Variants in KIF13A observed in about 807,000 individuals in gnomAD.
KIF13A encodes kinesin-like protein KIF13A.
A neutral mutation model predicts 212.2 loss-of-function variants in KIF13A; 79 were observed. That is an observed-to-expected ratio of 0.37 (90% CI 0.31 to 0.45). The LOEUF (loss-of-function observed/expected upper bound fraction) is 0.45, where lower values mean the gene tolerates loss of function less well. Ranked by LOEUF, KIF13A falls within the 20% of genes least tolerant of loss-of-function variation. The pLI, the probability that KIF13A is intolerant of heterozygous loss-of-function variation, is 1.00. For missense variants in KIF13A, 1,901 were observed against 2,209.0 expected (o/e 0.86, Z 2.79); for synonymous variants, 789 against 808.6 (o/e 0.98, Z 0.41).
At chr6:17,894,254 C>G (rs1772357441) in intron 3 of KIF13A, among the ~76,000 whole-genome samples, 1 of 152,028 alleles carries the variant, frequency 6.6e-6, no homozygotes, top group Admixed American at 6.6e-5. Context: ...ACCTCAGCCT[C>G]CTGAGTAGCT....
At position 17,892,158 on chromosome 6, in the gene KIF13A, T is replaced by G. The variant is rs1161281530; in HGVS notation, c.159+6010A>C. The stretch of plus-strand genomic sequence containing the variant: ...CTGAACCAAACTAGCTCTTCCTTCT[T>G]TAGTTTATGTTGATTTGATTTTTCA... On this transcript the variant is annotated intron_variant, in intron 3 of 38. Coordinates refer to ENST00000259711, the MANE Select transcript of KIF13A (RefSeq NM_022113.6). This position sits in a 1 kb window ranked among gnomAD's most constrained non-coding sequence, Gnocchi z 4.7. Among the ~76,000 whole-genome samples the G allele has an allele frequency of 6.6e-6, 1 of 152,220 alleles. No individual in the cohort carries two copies.
Position 17,850,499 on chromosome 6 carries a change from A to G in KIF13A, c.583-42T>C. On this transcript the variant is annotated intron_variant, in intron 7 of 38. Transcript: ENST00000259711. This position sits in a 1 kb window ranked among gnomAD's most constrained non-coding sequence, Gnocchi z 6.2. ...AGGAAAAGACCATAAGCAAAAACAC[A>G]AGAATGTAGTCCTGCACACCAGGTA... 6.4e-7 allele frequency: 1 copy of G among 1,573,784 alleles called. No individual in the cohort carries two copies. Among genetic ancestry groups the G allele is most frequent in the South Asian group, 1.2e-5 (1 of 85,840 alleles).
rs563772627 is a variant in KIF13A at position 17,915,425 on chromosome 6, G to A, written c.147-17245C>T. On this transcript the variant is annotated intron_variant, in intron 2 of 38. Coordinates refer to ENST00000259711, the MANE Select transcript of KIF13A (RefSeq NM_022113.6). This position sits in a 1 kb window ranked among gnomAD's most constrained non-coding sequence, Gnocchi z 4.4. The stretch of plus-strand genomic sequence containing the variant: ...TTAAAAGCAGCAGAGTAACACACGC[G>A]ATGCAAGGCCCCTCATTTTCAGCCA... Among the ~76,000 whole-genome samples the A allele has an allele frequency of 2.6e-5, 4 of 152,276 alleles. No homozygotes were observed. The East Asian group carries it at 5.8e-4, about 22-fold the overall frequency.
intron 23 of KIF13A, 32 bp downstream of exon 23, chr6:17,796,637 C>T (rs1308777062): frequency 7.0e-7 from 1 of 1,422,742 alleles, no homozygotes; most frequent in Non-Finnish European, 9.3e-7. Flanking sequence ...TAGTCTTAAC[C>T]TTGTACCTAA....
At chr6:17,804,149 C>CACAAACAA (rs1561994074) in intron 20 of KIF13A, among the ~76,000 whole-genome samples, 1,205 of 58,066 alleles carry the variant, frequency 0.021, 19 homozygotes, top group African/African-American at 0.066. Flanking sequence ...GAGACTCCGT[C>CACAAACAA]TCAAACAAAC....
At chr6:17,760,924 C>G, downstream of KIF13A, 1 of 1,602,990 alleles carries the variant, frequency 6.2e-7, no homozygotes, top group Non-Finnish European at 8.5e-7. Context: ...CCCCACCTCC[C>G]CACCCCACCC....
chr6:17,806,157 T>C (rs923124776), intron 18 of KIF13A, among the ~76,000 whole-genome samples: 1 of 152,100 alleles, frequency 6.6e-6, no homozygotes, highest in African/African-American at 2.4e-5. Flanking sequence ...GGTCTCGAAC[T>C]CCTGTACTCA....
Position 17,776,977 on chromosome 6 carries a change from G to A in KIF13A, c.4170+300C>T, listed in dbSNP as rs550219808. ...TGGAGCAGCCAGCGTCCAGGGACTC[G>A]GGTGCAAGTATTCATAGCTGACTCC... On this transcript the variant is annotated intron_variant, in intron 34 of 38. Transcript: ENST00000259711. The surrounding 1 kb of genome is among the most constrained non-coding windows in gnomAD (Gnocchi z 4.6). Among the ~76,000 whole-genome samples the A allele has an allele frequency of 6.6e-6, 1 of 152,246 alleles. No individual in the cohort carries two copies. The highest frequency in any genetic ancestry group is 2.1e-4 in the South Asian group (1 of 4,822).
rs1474797000 is a variant in KIF13A, at chr6:17,831,250, A to G, written c.1267-15T>C. 2 of 1,600,294 alleles carry G rather than the reference A, an allele frequency of 1.2e-6. No individual in the cohort carries two copies. The highest frequency in any genetic ancestry group is 1.7e-6 in the Non-Finnish European group (2 of 1,176,134). On this transcript the variant is annotated splice_polypyrimidine_tract_variant and intron_variant, in intron 12 of 38. Transcript: ENST00000259711. Reference sequence around the variant, plus strand: ...CGTTGTCTTTCCTGTGCACAAAAACAGACAAAAGAAGGAAACTCTGTTTGT... The same window carrying G: ...CGTTGTCTTTCCTGTGCACAAAAACGGACAAAAGAAGGAAACTCTGTTTGT...
chr6:17,915,699 C>T lies in KIF13A; in HGVS notation c.147-17519G>A, dbSNP rs563912173. ...AGTTCAGGCCAGGCACAGTGGCTCA[C>T]GCCTGTAATCGCAGCACTTTGGGAG... is the stretch of plus-strand genomic sequence containing the variant. On this transcript the variant is annotated intron_variant, in intron 2 of 38. Coordinates refer to ENST00000259711, the MANE Select transcript of KIF13A (RefSeq NM_022113.6). This position sits in a 1 kb window ranked among gnomAD's most constrained non-coding sequence, Gnocchi z 4.4. 2.6e-5 allele frequency among the ~76,000 whole-genome samples: 4 copies of T among 152,096 alleles called. No individual in the cohort carries two copies. The South Asian group carries it at 6.2e-4, about 24-fold the overall frequency.
chr6:17,851,813 T>C (rs1276483505), intron 7 of KIF13A, 142 bp downstream of exon 7: 1 of 432,820 alleles, frequency 2.3e-6, no homozygotes, highest in Non-Finnish European at 4.1e-6. Flanking sequence ...TCCTCTCTGT[T>C]TGCGGTGTGC....
intron 3 of KIF13A, among the ~76,000 whole-genome samples, chr6:17,890,698 C>T (rs1246181367): frequency 1.3e-5 from 2 of 150,948 alleles, no homozygotes; most frequent in Non-Finnish European, 1.5e-5. Context: ...ACAATCATAC[C>T]TCAGTGAAGC....
chr6:17,943,777 GGGAGGCGT>G (rs1777147069), intron 2 of KIF13A, among the ~76,000 whole-genome samples: 1 of 152,074 alleles, frequency 6.6e-6, no homozygotes, highest in South Asian at 2.1e-4. Flanking sequence ...CAACTCAACG[GGGAGGCGT>G]GGAAGTGCGT....
At chr6:17,820,826 A>G (rs976271621) in intron 16 of KIF13A, among the ~76,000 whole-genome samples, 6 of 152,226 alleles carry the variant, frequency 3.9e-5, no homozygotes, top group African/African-American at 1.4e-4. Context: ...CCAAGAATGG[A>G]AAAGAAAAAA....
chr6:17,959,566 T>C (rs1223173648), intron 2 of KIF13A, among the ~76,000 whole-genome samples: 1 of 152,138 alleles, frequency 6.6e-6, no homozygotes, highest in South Asian at 2.1e-4. Context: ...TGTAAACAAC[T>C]CTAAAATAAA....
chr6:17,976,311 G>C (rs1264012406), intron 2 of KIF13A, among the ~76,000 whole-genome samples: 4 of 152,238 alleles, frequency 2.6e-5, no homozygotes, highest in African/African-American at 9.6e-5. Flanking sequence ...ATGGCGGGCT[G>C]CAGGTCGCGA....
rs1760959623 is a variant in KIF13A, at chr6:17,785,372, C to T, written c.3488+143G>A. On this transcript the variant is annotated intron_variant, in intron 28 of 38. Coordinates refer to ENST00000259711, the MANE Select transcript of KIF13A (RefSeq NM_022113.6). This position sits in a 1 kb window ranked among gnomAD's most constrained non-coding sequence, Gnocchi z 5.8. Reference sequence around the variant, plus strand: ...GGGGAAGGAAAAAAAGGGATGGAAGCATTAGAGATGAGTGGACATTCCCTA... The same window carrying T: ...GGGGAAGGAAAAAAAGGGATGGAAGTATTAGAGATGAGTGGACATTCCCTA... 2 of 908,578 alleles carry T rather than the reference C, an allele frequency of 2.2e-6. No homozygotes were observed. Among genetic ancestry groups the T allele is most frequent in the Non-Finnish European group, 3.1e-6 (2 of 640,854 alleles). 56.3% of individuals were successfully genotyped at this position (908,578 alleles called of 1,614,324 possible). A position where few individuals can be genotyped will look rare whatever the true frequency, so the allele number is the denominator to read the frequency against.
intron 3 of KIF13A, chr6:17,882,251 T>C (rs2150453137): frequency 2.9e-6 from 1 of 349,164 alleles, no homozygotes; most frequent in Admixed American, 3.5e-5. Flanking sequence ...TTTTCAATTT[T>C]AGGGGCTACA....
chr6:17,795,319 G>T (rs1207965171), intron 23 of KIF13A, among the ~76,000 whole-genome samples: 1 of 151,606 alleles, frequency 6.6e-6, no homozygotes, highest in Non-Finnish European at 1.5e-5. Flanking sequence ...GTGGTGGCTC[G>T]AGCTTGTAAT....
Sources: gnomAD v4.1 joint callset for allele counts (sites outside exome capture counted in the v4.1 genomes callset) on GRCh38, gnomAD v4.1.1 for gene constraint, Gnocchi (gnomAD v3.1) non-coding constraint, MANE v1.5 for transcripts, NCBI Gene and HGNC (gene_info 2026-07-23, HGNC 2026-07-21) for gene names.